UBE3A: variants seen among roughly 807,000 people sequenced by gnomAD.
The protein encoded by UBE3A is ubiquitin-protein ligase E3A.
UBE3A carries 6 observed loss-of-function variants against 83.4 expected under a neutral mutation model. The ratio of observed to expected loss-of-function variants is 0.07; its 90% CI spans 0.04 to 0.14. The LOEUF is 0.14. Ranked by LOEUF, UBE3A falls within the 10% of genes least tolerant of loss-of-function variation. The pLI is 1.00. For missense variants in UBE3A, 456 were observed against 1,036.1 expected (o/e 0.44, Z 7.69); for synonymous variants, 337 against 355.4 (o/e 0.95, Z 0.58).
chr15:25,432,269 T>C (rs1035622247), intron 1 of UBE3A, among the ~76,000 whole-genome samples: 2 of 152,156 alleles, frequency 1.3e-5, no homozygotes, highest in Admixed American at 6.5e-5. Context: ...TATATTTAAT[T>C]AGGAGGTGGA....
At chr15:25,343,383 G>A (rs1211686838) in intron 11 of UBE3A, among the ~76,000 whole-genome samples, 1 of 152,030 alleles carries the variant, frequency 6.6e-6, no homozygotes, top group Non-Finnish European at 1.5e-5. Flanking sequence ...GACCACCAGT[G>A]ATGAGAAATA....
At chr15:25,431,808 A>G (rs1893540006) in intron 1 of UBE3A, among the ~76,000 whole-genome samples, 1 of 152,226 alleles carries the variant, frequency 6.6e-6, no homozygotes, top group Non-Finnish European at 1.5e-5. Flanking sequence ...TCCCAAAACA[A>G]AAACTTAAAA....
intron 4 of UBE3A, among the ~76,000 whole-genome samples, chr15:25,405,021 A>C (rs2153047045): frequency 6.6e-6 from 1 of 152,284 alleles, no homozygotes; most frequent in East Asian, 1.9e-4. Flanking sequence ...ATACCATTCT[A>C]CCTCAGTGAC....
Position 25,370,478 on chromosome 15 carries a change from ATTT to A in UBE3A, c.1608+85_1608+87del. On this transcript the variant is annotated intron_variant, in intron 6 of 12. Coordinates refer to ENST00000648336, the MANE Select transcript of UBE3A (RefSeq NM_130839.5). The surrounding 1 kb of genome is among the most constrained non-coding windows in gnomAD (Gnocchi z 4.2). ...ATGTGTTCCTATGCTATATGGTATC[ATTT>A]TTTTCAGTCACTTTTAAAATGAATT... 1 of 1,498,470 alleles carries A rather than the reference ATTT, an allele frequency of 6.7e-7. No homozygotes were observed. The highest frequency in any genetic ancestry group is 9.3e-7 in the Non-Finnish European group (1 of 1,075,188). 92.8% of individuals were successfully genotyped at this position (1,498,470 alleles called of 1,614,324 possible). A position where few individuals can be genotyped will look rare whatever the true frequency, so the allele number is the denominator to read the frequency against.
In UBE3A at chr15:25,370,902, G is replaced by A. The variant is rs1057520392; in HGVS notation, c.1272C>T (p.Pro424=). 5.0e-6 allele frequency: 8 copies of A among 1,613,944 alleles called. No individual in the cohort carries two copies. Among genetic ancestry groups the A allele is most frequent in the Non-Finnish European group, 5.9e-6 (7 of 1,179,968 alleles). The change falls in exon 6 of 13, where the codon CCC becomes CCT. Residue 424 remains proline (P), a synonymous_variant. Transcript: ENST00000648336. This position sits in a 1 kb window ranked among gnomAD's most constrained non-coding sequence, Gnocchi z 4.2. ...TTTTAACACCAAGTTCAGTTTCCAG[G>A]GGGTCCACTCGAGGACCTTTCTTGT... is the stretch of plus-strand genomic sequence containing the variant. ...RRNKKGPRVD[P]LETELGVKTL... is the part of the protein sequence containing the mutation.
chr15:25,367,264 T>G (rs961100269), intron 6 of UBE3A, among the ~76,000 whole-genome samples: 1 of 113,540 alleles, frequency 8.8e-6, no homozygotes, highest in Non-Finnish European at 1.8e-5. Flanking sequence ...TTTGTAAATA[T>G]GTAAATATTT....
At chr15:25,394,768 T>A (rs1439169858) in intron 4 of UBE3A, among the ~76,000 whole-genome samples, 2 of 152,190 alleles carry the variant, frequency 1.3e-5, no homozygotes, top group Non-Finnish European at 2.9e-5. Flanking sequence ...AAATTCTTCC[T>A]ACATTTCTGC....
At chr15:25,376,562 G>A (rs2081253967) in intron 4 of UBE3A, among the ~76,000 whole-genome samples, 1 of 152,004 alleles carries the variant, frequency 6.6e-6, no homozygotes, top group Non-Finnish European at 1.5e-5. Context: ...AGGATCACTT[G>A]AGCCTGAGAG....
At chr15:25,412,075 A>G (rs977252911) in intron 1 of UBE3A, 104 bp from the exon 2 acceptor site, 15 of 152,340 alleles carry the variant, frequency 9.8e-5, no homozygotes, top group Middle Eastern at 3.4e-3. Flanking sequence ...TTTATTTTCT[A>G]TAATTATGAA....
chr15:25,381,444 T>C (rs1200094426), intron 4 of UBE3A, among the ~76,000 whole-genome samples: 4 of 151,978 alleles, frequency 2.6e-5, no homozygotes, highest in African/African-American at 9.7e-5. Context: ...ACATGAACTG[T>C]GAGATGCAAT....
chr15:25,354,715 A>T (rs2076983170), intron 9 of UBE3A, 32 bp from the exon 10 acceptor site: 1 of 1,589,886 alleles, frequency 6.3e-7, no homozygotes, highest in Non-Finnish European at 8.6e-7. Context: ...AGAACTTCTT[A>T]TAATATGCTA....
chr15:25,403,167 T>C (rs2087596689), intron 4 of UBE3A, among the ~76,000 whole-genome samples: 1 of 152,196 alleles, frequency 6.6e-6, no homozygotes, highest in Admixed American at 6.5e-5. Flanking sequence ...AAGTCTTTAA[T>C]CTTAACTAGT....
chr15:25,396,810 T>C (rs1275567799), intron 4 of UBE3A, among the ~76,000 whole-genome samples: 1 of 152,158 alleles, frequency 6.6e-6, no homozygotes, highest in Admixed American at 6.6e-5. Flanking sequence ...TATGCTCTTC[T>C]ACATCCTAGG....
At chr15:25,416,737 A>C (rs966483231) in intron 1 of UBE3A, among the ~76,000 whole-genome samples, 10 of 152,274 alleles carry the variant, frequency 6.6e-5, no homozygotes, top group African/African-American at 9.6e-5. Context: ...GAAAGATCCG[A>C]AAGTATCTGA....
intron 5 of UBE3A, among the ~76,000 whole-genome samples, chr15:25,372,120 G>C (rs774119099): frequency 2.0e-5 from 3 of 151,912 alleles, no homozygotes; most frequent in Non-Finnish European, 2.9e-5. Flanking sequence ...TTAATGTATA[G>C]CTTTAATTAT....
At chr15:25,431,793 T>C (rs956135976) in intron 1 of UBE3A, among the ~76,000 whole-genome samples, 2 of 152,226 alleles carry the variant, frequency 1.3e-5, no homozygotes, top group African/African-American at 4.8e-5. Flanking sequence ...AAAGATTTTT[T>C]CAATTCCCAA....
chr15:25,430,945 A>G lies in UBE3A; in HGVS notation c.-165+7544T>C, dbSNP rs143180745. On this transcript the variant is annotated intron_variant, in intron 1 of 12. Transcript: ENST00000648336. Reference sequence around the variant, plus strand: ...CCATACTGAGTTAAATAAGACCACAAGATCTTTTCATTTTTACAATATTTG... The same window carrying G: ...CCATACTGAGTTAAATAAGACCACAGGATCTTTTCATTTTTACAATATTTG... Among the ~76,000 whole-genome samples, 765 of 152,314 alleles carry G rather than the reference A, an allele frequency of 5.0e-3. 7 individuals carry two copies. The highest frequency in any genetic ancestry group is 0.017 in the African/African-American group (726 of 41,560).
chr15:25,370,877 T>A lies in UBE3A; in HGVS notation c.1297A>T (p.Thr433Ser). Residue 433 changes from threonine to serine, a missense_variant, in exon 6 of 13, where the codon ACC becomes TCC. Thr to Ser is a moderately conservative substitution (Grantham distance 58). Coordinates refer to ENST00000648336, the MANE Select transcript of UBE3A (RefSeq NM_130839.5). The surrounding 1 kb of genome is among the most constrained non-coding windows in gnomAD (Gnocchi z 4.2). ...DPLETELGVK[T>S]LDCRKPLIPF... ...ATAAGTGGTTTTCGACAATCCAGGGTTTTAACACCAAGTTCAGTTTCCAGG... is the reference window on the plus strand; with the variant it reads ...ATAAGTGGTTTTCGACAATCCAGGGATTTAACACCAAGTTCAGTTTCCAGG... 6.2e-7 allele frequency: 1 copy of A among 1,614,026 alleles called. No homozygotes were observed. The highest frequency in any genetic ancestry group is 8.5e-7 in the Non-Finnish European group (1 of 1,179,982).
intron 4 of UBE3A, among the ~76,000 whole-genome samples, chr15:25,392,957 T>A (rs908663175): frequency 2.0e-5 from 3 of 152,164 alleles, no homozygotes; most frequent in African/African-American, 7.2e-5. Flanking sequence ...ACATGCACAC[T>A]TCAGGAGTGC....
Sources: gnomAD v4.1 joint callset for allele counts (sites outside exome capture counted in the v4.1 genomes callset) on GRCh38, gnomAD v4.1.1 for gene constraint, Gnocchi (gnomAD v3.1) non-coding constraint, MANE v1.5 for transcripts, NCBI Gene and HGNC (gene_info 2026-07-23, HGNC 2026-07-21) for gene names.